The following MDFIC2 variants were observed in gnomAD, a reference collection of about 807,000 sequenced individuals.
MDFIC2 encodes the protein MyoD family inhibitor domain containing 2.
At chr3:70,311,486 C>T (rs1702452933) in intron 2 of MDFIC2, among the ~76,000 whole-genome samples, 3 of 152,156 alleles carry the variant, frequency 2.0e-5, no homozygotes, top group African/African-American at 7.2e-5. Context: ...TATTTGTAGA[C>T]ATATTTTCCT....
At chr3:70,247,634 A>T (rs1701720067) in intron 2 of MDFIC2, among the ~76,000 whole-genome samples, 1 of 151,982 alleles carries the variant, frequency 6.6e-6, no homozygotes, top group African/African-American at 2.4e-5. Flanking sequence ...TTCAGAATTT[A>T]TGACTCTAAT....
intron 2 of MDFIC2, among the ~76,000 whole-genome samples, chr3:70,207,379 C>A (rs1313149632): frequency 6.6e-6 from 1 of 152,046 alleles, no homozygotes; most frequent in Admixed American, 6.6e-5. Flanking sequence ...GCCTGTATGG[C>A]TTTGGGGATA....
At chr3:70,236,505 A>G (rs1230046518) in intron 2 of MDFIC2, among the ~76,000 whole-genome samples, 1 of 151,256 alleles carries the variant, frequency 6.6e-6, no homozygotes, top group Non-Finnish European at 1.5e-5. Flanking sequence ...TGTATTAGCA[A>G]CCTCCACATT....
intron 2 of MDFIC2, among the ~76,000 whole-genome samples, chr3:70,273,315 T>A (rs1575612228): frequency 6.6e-6 from 1 of 152,294 alleles, no homozygotes; most frequent in East Asian, 1.9e-4. Flanking sequence ...CTAAGGAAAA[T>A]ATGTGTTTAT....
chr3:70,293,567 A>C (rs1296067095), intron 2 of MDFIC2, among the ~76,000 whole-genome samples: 13 of 152,100 alleles, frequency 8.5e-5, no homozygotes, highest in Non-Finnish European at 1.8e-4. Context: ...TGAAAATAAA[A>C]CATCTGTGCC....
intron 2 of MDFIC2, among the ~76,000 whole-genome samples, chr3:70,256,161 CTT>C (rs1701814091): frequency 6.6e-6 from 1 of 152,160 alleles, no homozygotes; most frequent in South Asian, 2.1e-4. Context: ...ACGAATGACT[CTT>C]TAAGATGGAT....
chr3:70,305,480 A>C (rs928363354), intron 2 of MDFIC2, among the ~76,000 whole-genome samples: 1 of 152,224 alleles, frequency 6.6e-6, no homozygotes, highest in Non-Finnish European at 1.5e-5. Flanking sequence ...TCCCGTTTAG[A>C]AATGAGAATT....
At chr3:70,280,265 G>C (rs2106680883) in intron 2 of MDFIC2, among the ~76,000 whole-genome samples, 1 of 152,120 alleles carries the variant, frequency 6.6e-6, no homozygotes, top group Admixed American at 6.5e-5. Context: ...TTAAATTTAG[G>C]TGCCACTCAT....
intron 2 of MDFIC2, among the ~76,000 whole-genome samples, chr3:70,211,054 A>G (rs960611427): frequency 6.6e-6 from 1 of 152,094 alleles, no homozygotes; most frequent in Non-Finnish European, 1.5e-5. Flanking sequence ...TGACTTTGTA[A>G]TTTTTGCATC....
chr3:70,255,762 G>A (rs966719925), intron 2 of MDFIC2, among the ~76,000 whole-genome samples: 1 of 152,138 alleles, frequency 6.6e-6, no homozygotes, highest in Non-Finnish European at 1.5e-5. Flanking sequence ...CAGCCAGGGG[G>A]CTATTTTTCA....
At chr3:70,207,033 C>A (rs1701298047) in intron 2 of MDFIC2, among the ~76,000 whole-genome samples, 1 of 139,644 alleles carries the variant, frequency 7.2e-6, no homozygotes, top group Non-Finnish European at 1.6e-5. Context: ...CTTATTTCTA[C>A]TTTTTTTTTT....
intron 2 of MDFIC2, among the ~76,000 whole-genome samples, chr3:70,214,432 A>G (rs900114679): frequency 5.3e-5 from 8 of 152,014 alleles, no homozygotes; most frequent in African/African-American, 1.9e-4. Context: ...ATCTTTTTTA[A>G]AAAGAGAGAA....
intron 2 of MDFIC2, among the ~76,000 whole-genome samples, chr3:70,257,126 T>C (rs938447515): frequency 6.6e-6 from 1 of 152,222 alleles, no homozygotes; most frequent in Non-Finnish European, 1.5e-5. Context: ...GCTACTTTTC[T>C]AGAAAATGAT....
chr3:70,249,872 C>G (rs139879568), intron 2 of MDFIC2, among the ~76,000 whole-genome samples: 3 of 151,962 alleles, frequency 2.0e-5, no homozygotes, highest in African/African-American at 7.2e-5. Flanking sequence ...TATTTGCTAA[C>G]GTTAATAAAA....
intron 2 of MDFIC2, among the ~76,000 whole-genome samples, chr3:70,247,039 G>A (rs1199881575): frequency 6.6e-6 from 1 of 151,846 alleles, no homozygotes; most frequent in African/African-American, 2.4e-5. Context: ...CTACCACGAA[G>A]GATAGTTATT....
intron 2 of MDFIC2, among the ~76,000 whole-genome samples, chr3:70,252,320 A>G (rs1701777184): frequency 6.6e-6 from 1 of 152,208 alleles, no homozygotes; most frequent in African/African-American, 2.4e-5. Context: ...GGTGTGGCGT[A>G]CAATTCTCCC....
chr3:70,265,791 G>A (rs928965322), intron 2 of MDFIC2, among the ~76,000 whole-genome samples: 1 of 152,134 alleles, frequency 6.6e-6, no homozygotes, highest in Non-Finnish European at 1.5e-5. Context: ...AATCATGATG[G>A]GAGGCACCTC....
chr3:70,197,763 C>G (rs1357407363), intron 3 of MDFIC2, among the ~76,000 whole-genome samples: 1 of 152,166 alleles, frequency 6.6e-6, no homozygotes, highest in African/African-American at 2.4e-5. Context: ...TATTTTTAAT[C>G]TCTGTTTCCG....
At chr3:70,273,270 T>C (rs1025716517) in intron 2 of MDFIC2, among the ~76,000 whole-genome samples, 5 of 152,216 alleles carry the variant, frequency 3.3e-5, no homozygotes, top group Non-Finnish European at 5.9e-5. Flanking sequence ...GTTCATTAAA[T>C]CTTAGTCGAC....
Sources: allele counts gnomAD v4.1 joint callset (sites outside exome capture counted in the v4.1 genomes callset), GRCh38; gene constraint gnomAD v4.1.1; transcripts MANE v1.5; gene names NCBI Gene and HGNC (gene_info 2026-07-23, HGNC 2026-07-21).